NAA38: variants seen among roughly 807,000 people sequenced by gnomAD.
NAA38 encodes the protein N-alpha-acetyltransferase 38, NatC auxiliary subunit.
In NAA38, 15 loss-of-function variants were observed where a neutral mutation model predicts 12.6. The observed-to-expected ratio is 1.19, with a 90% CI of 0.79 to 1.83. The LOEUF (loss-of-function observed/expected upper bound fraction) is 1.83, where lower values mean the gene tolerates loss of function less well. NAA38 is among the 40% of genes most tolerant of loss of function. NAA38 has a pLI of 0.00. For missense variants in NAA38, 183 were observed against 171.7 expected (o/e 1.07, Z -0.37); for synonymous variants, 88 against 69.9 (o/e 1.26, Z -1.29).
chr17:7,881,797 G>C (rs1387562378), intron 2 of NAA38, among the ~76,000 whole-genome samples: 2 of 150,888 alleles, frequency 1.3e-5, no homozygotes, highest in African/African-American at 4.9e-5. Context: ...TAGACAAACC[G>C]AGAGATGCAG....
chr17:7,876,325 C>A (rs1386407321), intron 2 of NAA38, among the ~76,000 whole-genome samples: 2 of 152,192 alleles, frequency 1.3e-5, no homozygotes, highest in Non-Finnish European at 1.5e-5. Context: ...AACACTTGAA[C>A]AACTTGTTTT....
Position 7,856,729 on chromosome 17 carries a change from G to A in NAA38, c.*2C>T. 6.2e-7 allele frequency: 1 copy of A among 1,610,058 alleles called. No individual in the cohort carries two copies. The highest frequency in any genetic ancestry group is 8.5e-7 in the Non-Finnish European group (1 of 1,176,414). On this transcript the variant is annotated 3_prime_UTR_variant, in exon 3 of 3. Transcript: ENST00000575771. Reference sequence around the variant, plus strand: ...AAGTCTGAAAGGTAAGCGCCATCGTGGTCAGAGATACGGAGGCCCGGTCAG... The same window carrying A: ...AAGTCTGAAAGGTAAGCGCCATCGTAGTCAGAGATACGGAGGCCCGGTCAG...
At chr17:7,876,140 G>A (rs1262493783) in intron 2 of NAA38, among the ~76,000 whole-genome samples, 1 of 151,702 alleles carries the variant, frequency 6.6e-6, no homozygotes, top group Non-Finnish European at 1.5e-5. Context: ...AATTATCTTG[G>A]GTGTACACTT....
Position 7,857,549 on chromosome 17 carries a change from T to C in NAA38, c.-86A>G. 7.0e-7 allele frequency: 1 copy of C among 1,435,798 alleles called. No homozygotes were observed. Among genetic ancestry groups the C allele is most frequent in the Non-Finnish European group, 9.1e-7 (1 of 1,098,014 alleles). The allele number at this position is 1,435,798 out of a possible 1,614,324, so 88.9% of individuals were successfully genotyped here. A position where few individuals can be genotyped will look rare whatever the true frequency, so the allele number is the denominator to read the frequency against. ...CGAGATCTCGCGAGCGCTCCCGACC[T>C]CTTTCCTTTCGCGAGATCCCCTCTC... On this transcript the variant is annotated 5_prime_UTR_variant, in exon 1 of 3. Coordinates refer to ENST00000575771, the MANE Select transcript of NAA38 (RefSeq NM_001320925.4).
intron 2 of NAA38, among the ~76,000 whole-genome samples, chr17:7,872,259 A>C (rs1334043142): frequency 6.6e-6 from 1 of 152,322 alleles, no homozygotes; most frequent in South Asian, 2.1e-4. Context: ...TTGTACGCTT[A>C]AGGCCTTTTT....
intron 2 of NAA38, among the ~76,000 whole-genome samples, chr17:7,874,629 T>G (rs1034189082): frequency 1.3e-5 from 2 of 152,118 alleles, no homozygotes; most frequent in African/African-American, 4.8e-5. Context: ...CTCACACCTG[T>G]AATCCCAGCA....
chr17:7,875,039 T>A (rs569285659), intron 2 of NAA38, among the ~76,000 whole-genome samples: 8 of 151,694 alleles, frequency 5.3e-5, no homozygotes, highest in South Asian at 2.1e-4. Flanking sequence ...CTACAAAAAA[T>A]TTTAAAACTA....
At chr17:7,859,047 A>G (rs1406680066), upstream of NAA38, 4 of 569,022 alleles carry the variant, frequency 7.0e-6, no homozygotes, top group South Asian at 2.4e-5. Flanking sequence ...AAGCCTGGGA[A>G]CAGCAGTTCA....
rs749178814 is a variant in NAA38 at position 7,857,169 on chromosome 17, C to G, written c.111G>C (p.Ala37=). ...CTAGCTGCTGTCGGGCGCGCTCAGCCGCCGAGTCCTCGCGCTCTCCGTCCG... is the reference window on the plus strand; with the variant it reads ...CTAGCTGCTGTCGGGCGCGCTCAGCGGCCGAGTCCTCGCGCTCTCCGTCCG... ...GDSDGEREDS[A]AERARQQLEA... The change falls in exon 2 of 3, where the codon GCG becomes GCC. Residue 37 remains alanine, a synonymous_variant. Coordinates refer to ENST00000575771, the MANE Select transcript of NAA38 (RefSeq NM_001320925.4). 63 of 1,613,044 alleles carry G rather than the reference C, an allele frequency of 3.9e-5. No individual in the cohort carries two copies. Among genetic ancestry groups the G allele is most frequent in the Non-Finnish European group, 5.3e-5 (62 of 1,180,036 alleles).
chr17:7,883,993 C>G (rs1290605710), intron 1 of NAA38, among the ~76,000 whole-genome samples: 1 of 151,852 alleles, frequency 6.6e-6, no homozygotes, highest in Non-Finnish European at 1.5e-5. Flanking sequence ...TAATGCCCCC[C>G]CTCAAATATT....
intron 2 of NAA38, among the ~76,000 whole-genome samples, chr17:7,867,369 G>T (rs1323104979): frequency 6.6e-6 from 1 of 152,024 alleles, no homozygotes; most frequent in African/African-American, 2.4e-5. Flanking sequence ...ATGGAGTCTT[G>T]CTCTTGTTGC....
chr17:7,856,836 G>C lies in NAA38; in HGVS notation c.273C>G (p.Phe91Leu). The part of the protein sequence containing the change: ...AQEFLKPSDS[F>L]SAGEPRVLGL... Reference sequence around the variant, plus strand: ...CCAGCACACGGGGCTCCCCGGCAGAGAAGGAATCTGGAAAGAAGGATCAGA... The same window carrying C: ...CCAGCACACGGGGCTCCCCGGCAGACAAGGAATCTGGAAAGAAGGATCAGA... The change falls in exon 3 of 3, where the codon TTC (phenylalanine) becomes TTG (leucine). Residue 91 changes from phenylalanine (F) to leucine (L), a missense_variant. Phe to Leu is a conservative substitution (Grantham distance 22, BLOSUM62 0). Transcript: ENST00000575771. The C allele has an allele frequency of 1.9e-6, 3 of 1,613,788 alleles. No individual in the cohort carries two copies. The highest frequency in any genetic ancestry group is 1.3e-5 in the African/African-American group (1 of 75,046).
upstream of NAA38, chr17:7,858,610 G>T (rs1239142541): frequency 6.2e-7 from 1 of 1,605,160 alleles, no homozygotes; most frequent in Non-Finnish European, 8.5e-7. Flanking sequence ...TTAAAGATCC[G>T]CAAGCACATA....
chr17:7,873,514 C>T (rs770978806), intron 2 of NAA38, among the ~76,000 whole-genome samples: 6 of 151,972 alleles, frequency 3.9e-5, no homozygotes, highest in Admixed American at 2.0e-4. Context: ...GGACACAGTG[C>T]GGTAAGGTGG....
Position 7,857,375 on chromosome 17 carries a change from G to C in NAA38, c.81+8C>G, listed in dbSNP as rs1368394083. ...CCCCTCAGTCCCAGAACCAGAGCCC[G>C]TGCTAACCCCAGCACTGGAGCTGCT... On this transcript the variant is annotated splice_region_variant and intron_variant, in intron 1 of 2. Transcript: ENST00000575771. 6.8e-6 allele frequency: 11 copies of C among 1,612,118 alleles called. No individual in the cohort carries two copies. The highest frequency in any genetic ancestry group is 1.7e-5 in the Admixed American group (1 of 59,670).
intron 2 of NAA38, among the ~76,000 whole-genome samples, chr17:7,880,297 G>C (rs1204248873): frequency 6.6e-6 from 1 of 151,996 alleles, no homozygotes; most frequent in Non-Finnish European, 1.5e-5. Flanking sequence ...AGAGAAGTAA[G>C]AGAGGGAAAG....
upstream of NAA38, chr17:7,860,754 C>T (rs1168053861): frequency 2.0e-5 from 3 of 152,144 alleles, no homozygotes; most frequent in African/African-American, 7.2e-5. Flanking sequence ...TCTCCTGTGG[C>T]GAAGAGGAGG....
intron 2 of NAA38, among the ~76,000 whole-genome samples, chr17:7,877,929 T>C (rs1384543486): frequency 1.3e-5 from 2 of 152,214 alleles, no homozygotes; most frequent in Non-Finnish European, 2.9e-5. Context: ...CCTGGTTCTG[T>C]CTCTAACTAC....
intron 2 of NAA38, among the ~76,000 whole-genome samples, chr17:7,870,468 T>C (rs1381696093): frequency 6.6e-6 from 1 of 151,802 alleles, no homozygotes; most frequent in Non-Finnish European, 1.5e-5. Flanking sequence ...TTTAATCAAT[T>C]AAAAAACAAA....
Sources: gnomAD v4.1 joint callset for allele counts (sites outside exome capture counted in the v4.1 genomes callset) on GRCh38, gnomAD v4.1.1 for gene constraint, MANE v1.5 for transcripts, NCBI Gene and HGNC (gene_info 2026-07-23, HGNC 2026-07-21) for gene names.